The following RIGI variants were observed in gnomAD, a reference collection of about 807,000 sequenced individuals.
RIGI encodes the protein RNA sensor RIG-I.
the RIGI span, among the ~76,000 whole-genome samples, chr9:32,464,514 C>T: frequency 6.6e-6 from 1 of 152,084 alleles, no homozygotes; most frequent in Non-Finnish European, 1.5e-5. Flanking sequence ...CTCAGCCTCC[C>T]GAGTAGCTGG....
chr9:32,477,103 G>A, the RIGI span: 4 of 1,613,872 alleles, frequency 2.5e-6, no homozygotes, highest in Non-Finnish European at 3.4e-6. Flanking sequence ...TGGGATCCCT[G>A]GAAACACTTT....
At chr9:32,512,861 C>T in the RIGI span, among the ~76,000 whole-genome samples, 1 of 152,050 alleles carries the variant, frequency 6.6e-6, no homozygotes, top group South Asian at 2.1e-4. Context: ...TGATAAGCAA[C>T]TTCAGCAAAG....
the RIGI span, chr9:32,526,113 C>T: frequency 6.2e-7 from 1 of 1,613,968 alleles, no homozygotes. Context: ...GGTCCAGGGT[C>T]TTCCGGATAT....
At chr9:32,477,205 C>A in the RIGI span, 1 of 1,532,424 alleles carries the variant, frequency 6.5e-7, no homozygotes, top group Non-Finnish European at 8.8e-7. Flanking sequence ...CTTTAGCTAT[C>A]GTTCAAACAG....
chr9:32,480,183 G>A, the RIGI span: 1 of 1,566,748 alleles, frequency 6.4e-7, no homozygotes, highest in Non-Finnish European at 8.7e-7. Context: ...CACCAAGAAT[G>A]CTACTGTGGC....
the RIGI span, among the ~76,000 whole-genome samples, chr9:32,458,685 T>C: frequency 2.6e-5 from 4 of 152,198 alleles, no homozygotes; most frequent in East Asian, 5.8e-4. Flanking sequence ...ATTGCAAAGA[T>C]ATCCCAGAAA....
At chr9:32,510,811 A>C in the RIGI span, among the ~76,000 whole-genome samples, 3 of 152,324 alleles carry the variant, frequency 2.0e-5, no homozygotes, top group South Asian at 6.2e-4. Flanking sequence ...TAAAGAGTCA[A>C]GACCCATTGG....
chr9:32,459,398 A>G, the RIGI span: 1 of 1,613,734 alleles, frequency 6.2e-7, no homozygotes, highest in African/African-American at 1.3e-5. Flanking sequence ...CAGCTGTGTA[A>G]CATGCCAAGG....
chr9:32,515,112 T>C, the RIGI span, among the ~76,000 whole-genome samples: 1 of 152,126 alleles, frequency 6.6e-6, no homozygotes, highest in South Asian at 2.1e-4. Flanking sequence ...CTGAGTAATC[T>C]TATTTGTGGC....
At chr9:32,495,904 G>C in the RIGI span, among the ~76,000 whole-genome samples, 3 of 152,118 alleles carry the variant, frequency 2.0e-5, no homozygotes, top group African/African-American at 7.2e-5. Flanking sequence ...TGATCCACCT[G>C]CCTCAGCCTC....
chr9:32,489,407 A>C, the RIGI span: 1 of 1,613,528 alleles, frequency 6.2e-7, no homozygotes, highest in Non-Finnish European at 8.5e-7. Flanking sequence ...TCTAATTGGT[A>C]ATTTCTTGGT....
At chr9:32,481,389 T>C in the RIGI span, 3 of 1,613,852 alleles carry the variant, frequency 1.9e-6, no homozygotes, top group Non-Finnish European at 2.5e-6. Context: ...CCTGCTCTCT[T>C]CATCTTTGTC....
the RIGI span, chr9:32,491,330 T>C: frequency 1.2e-6 from 2 of 1,613,474 alleles, no homozygotes; most frequent in African/African-American, 2.7e-5. Flanking sequence ...CTCACTAAGA[T>C]TCTGGCATTC....
At chr9:32,466,106 G>A in the RIGI span, among the ~76,000 whole-genome samples, 1 of 152,140 alleles carries the variant, frequency 6.6e-6, no homozygotes, top group South Asian at 2.1e-4. Context: ...TCAGTTATTA[G>A]CACTATTAAA....
the RIGI span, among the ~76,000 whole-genome samples, chr9:32,512,306 G>GCAAA: frequency 6.6e-6 from 1 of 152,270 alleles, no homozygotes; most frequent in African/African-American, 2.4e-5. Flanking sequence ...GAACATTGAT[G>GCAAA]CAAAAATCCT....
the RIGI span, among the ~76,000 whole-genome samples, chr9:32,505,030 T>A: frequency 3.3e-4 from 47 of 142,716 alleles, no homozygotes; most frequent in East Asian, 8.6e-3. Context: ...ATCTATTATA[T>A]ACAATAGATA....
the RIGI span, among the ~76,000 whole-genome samples, chr9:32,510,651 C>A: frequency 6.6e-6 from 1 of 152,124 alleles, no homozygotes; most frequent in Non-Finnish European, 1.5e-5. Context: ...TTGTAAAGAC[C>A]ATCGACACTA....
At chr9:32,457,544 AT>A in the RIGI span, 1 of 814,798 alleles carries the variant, frequency 1.2e-6, no homozygotes. Context: ...GGTCTCACTT[AT>A]TTTACAATTG....
At chr9:32,510,051 A>G in the RIGI span, among the ~76,000 whole-genome samples, 1 of 152,086 alleles carries the variant, frequency 6.6e-6, no homozygotes, top group African/African-American at 2.4e-5. Context: ...AAAGAATGAA[A>G]AGGAATGAAC....
Sources: allele counts gnomAD v4.1 joint callset (sites outside exome capture counted in the v4.1 genomes callset), GRCh38; gene constraint gnomAD v4.1.1; transcripts MANE v1.5; gene names NCBI Gene and HGNC (gene_info 2026-07-23, HGNC 2026-07-21).